Variants in RELN observed in about 807,000 individuals in gnomAD.
RELN encodes reelin.
A neutral mutation model predicts 427.6 loss-of-function variants in RELN; 108 were observed. That is an observed-to-expected ratio of 0.25 (90% CI 0.22 to 0.30). The LOEUF (loss-of-function observed/expected upper bound fraction) is 0.30, where lower values mean the gene tolerates loss of function less well. Among genes scored for constraint, RELN ranks in the 10% least tolerant of loss-of-function variants. RELN has a pLI of 1.00. For synonymous variants in RELN, 1,524 were observed against 1,513.4 expected, an observed-to-expected ratio of 1.01 and a Z score of -0.16; for missense variants, 3,715 against 4,302.8, an observed-to-expected ratio of 0.86 and a Z score of 3.82.
At chr7:103,700,183 T>A (rs1210546592) in intron 9 of RELN, among the ~76,000 whole-genome samples, 1 of 152,054 alleles carries the variant, frequency 6.6e-6, no homozygotes, top group Non-Finnish European at 1.5e-5. Context: ...TTTATAAAAG[T>A]TTAAGGCATT....
intron 48 of RELN, among the ~76,000 whole-genome samples, chr7:103,521,760 A>G (rs2117091410): frequency 6.6e-6 from 1 of 152,356 alleles, no homozygotes; most frequent in Non-Finnish European, 1.5e-5. Flanking sequence ...CCTGGGAATG[A>G]TTAATATTTT....
At chr7:103,796,519 G>A (rs894182191) in intron 3 of RELN, among the ~76,000 whole-genome samples, 22 of 152,148 alleles carry the variant, frequency 1.4e-4, no homozygotes, top group African/African-American at 4.8e-4. Context: ...ACAATTCATA[G>A]CATCCAAAAT....
chr7:103,906,507 A>G (rs1415795282), intron 2 of RELN, among the ~76,000 whole-genome samples: 1 of 150,298 alleles, frequency 6.7e-6, no homozygotes, highest in Non-Finnish European at 1.5e-5. Context: ...GAGCCTGGAA[A>G]GCTCCGGTAC....
chr7:103,668,844 T>C (rs1267154760), intron 11 of RELN, among the ~76,000 whole-genome samples: 1 of 152,176 alleles, frequency 6.6e-6, no homozygotes, highest in African/African-American at 2.4e-5. Flanking sequence ...ACAAAGCAAG[T>C]TAAGGTTATA....
intron 46 of RELN, among the ~76,000 whole-genome samples, chr7:103,534,954 ACT>A (rs59203624): frequency 0.062 from 9,379 of 152,124 alleles, 445 homozygotes; most frequent in East Asian, 0.19. Context: ...CAGAAAACAG[ACT>A]CTGTTTCAGT....
In RELN at chr7:103,515,243, T is replaced by C. The variant is rs750564158; in HGVS notation, c.8061A>G (p.Ala2687=). The C allele has an allele frequency of 1.9e-5, 31 of 1,614,082 alleles. No homozygotes were observed. The highest frequency in any genetic ancestry group is 1.0e-4 in the Admixed American group (6 of 60,002). The stretch of plus-strand genomic sequence containing the variant: ...CGATCCTCCCGACAGGGCCGGCATC[T>C]GCAGGGGAGCGCTCATGCTGGGGTA... The part of the protein sequence containing the change: ...APVPQHERSP[A]DAGPVGRIAF... Residue 2687 remains alanine (A), a synonymous_variant, in exon 50 of 65, where the codon GCA becomes GCG. Coordinates refer to ENST00000428762, the MANE Select transcript of RELN (RefSeq NM_005045.4).
At chr7:103,920,859 C>T (rs1312083450) in intron 1 of RELN, among the ~76,000 whole-genome samples, 3 of 152,122 alleles carry the variant, frequency 2.0e-5, no homozygotes, top group Non-Finnish European at 4.4e-5. Context: ...CAGGCATGAG[C>T]CACCATACCC....
At chr7:103,515,478 C>T (rs200737521) in intron 49 of RELN, 37 bp from the exon 50 acceptor site, 37 of 1,605,448 alleles carry the variant, frequency 2.3e-5, no homozygotes, top group Non-Finnish European at 3.1e-5. Context: ...TGGGGAAGAA[C>T]CCTTGTCAAA....
intron 50 of RELN, among the ~76,000 whole-genome samples, chr7:103,511,444 T>A (rs1219084103): frequency 2.0e-5 from 3 of 152,132 alleles, no homozygotes; most frequent in Admixed American, 2.0e-4. Flanking sequence ...TTTATTTTAT[T>A]TTTTTTAATA....
intron 12 of RELN, among the ~76,000 whole-genome samples, chr7:103,659,396 A>G (rs756921073): frequency 2.6e-4 from 39 of 152,174 alleles, no homozygotes; most frequent in Admixed American, 1.3e-3. Context: ...TAGGAATTAA[A>G]GAAAACACTA....
chr7:103,681,994 G>T, intron 11 of RELN, 122 bp downstream of exon 11: 1 of 982,102 alleles, frequency 1.0e-6, no homozygotes, highest in Non-Finnish European at 1.6e-6. Flanking sequence ...GCTTGTCTAC[G>T]ATAAGAATCA....
intron 2 of RELN, among the ~76,000 whole-genome samples, chr7:103,874,023 T>A (rs1222700772): frequency 6.9e-6 from 1 of 145,160 alleles, no homozygotes; most frequent in Admixed American, 7.0e-5. Context: ...CAAGTGGGCT[T>A]CATCCCTGGG....
chr7:103,820,298 G>C (rs1792982139), intron 3 of RELN, among the ~76,000 whole-genome samples: 1 of 151,932 alleles, frequency 6.6e-6, no homozygotes, highest in African/African-American at 2.4e-5. Flanking sequence ...AAGACTTGAT[G>C]TTTTCACCTA....
At chr7:103,629,343 G>C (rs17153808) in intron 20 of RELN, among the ~76,000 whole-genome samples, 35,712 of 151,960 alleles carry the variant, frequency 0.24, 5,109 homozygotes, top group South Asian at 0.37. Context: ...AAAAATGAAG[G>C]GTAACTTAAT....
At chr7:103,576,417 G>T (rs1831003788) in intron 28 of RELN, among the ~76,000 whole-genome samples, 1 of 152,174 alleles carries the variant, frequency 6.6e-6, no homozygotes, top group African/African-American at 2.4e-5. Flanking sequence ...TGGGATTACA[G>T]ATGTGAGCCA....
rs578101967 is a variant in RELN at position 103,608,381 on chromosome 7, C to A, written c.3008+2314G>T. 7.9e-4 allele frequency among the ~76,000 whole-genome samples: 120 copies of A among 151,880 alleles called. 2 individuals carry two copies. The highest frequency in any genetic ancestry group is 6.9e-3 in the South Asian group (33 of 4,808). ...CAGTAGGAATGTTAAGATAAATATT[C>A]TGCTGGGTTGTTTTTTAAAAAATAT... is the stretch of plus-strand genomic sequence containing the variant. On this transcript the variant is annotated intron_variant, in intron 22 of 64. Transcript: ENST00000428762.
At chr7:103,746,104 A>T (rs1224070620) in intron 6 of RELN, among the ~76,000 whole-genome samples, 5 of 152,146 alleles carry the variant, frequency 3.3e-5, no homozygotes, top group Admixed American at 1.3e-4. Context: ...GCCCTCAGAA[A>T]TAATGCTGCA....
intron 3 of RELN, among the ~76,000 whole-genome samples, chr7:103,827,171 A>G (rs973325613): frequency 6.6e-6 from 1 of 152,008 alleles, no homozygotes; most frequent in African/African-American, 2.4e-5. Flanking sequence ...GTCGTTAAAA[A>G]ATATTTTGTT....
chr7:103,598,976 T>C (rs939573646), intron 24 of RELN, among the ~76,000 whole-genome samples: 3 of 152,190 alleles, frequency 2.0e-5, no homozygotes, highest in African/African-American at 7.2e-5. Flanking sequence ...CCATTCCTGG[T>C]ATATGGAAAA....
Sources: gnomAD v4.1 joint callset for allele counts (sites outside exome capture counted in the v4.1 genomes callset) on GRCh38, gnomAD v4.1.1 for gene constraint, MANE v1.5 for transcripts, NCBI Gene and HGNC (gene_info 2026-07-23, HGNC 2026-07-21) for gene names.